ZSCAN32: variants seen among roughly 807,000 people sequenced by gnomAD.
ZSCAN32 encodes zinc finger and SCAN domain-containing protein 32.
In ZSCAN32, 52 loss-of-function variants were observed where a neutral mutation model predicts 47.4. The ratio of observed to expected loss-of-function variants is 1.10; its 90% CI spans 0.88 to 1.38. The LOEUF (loss-of-function observed/expected upper bound fraction) is 1.38. ZSCAN32 is among the 40% of genes most tolerant of loss of function. ZSCAN32 has a pLI of 0.00. For synonymous variants in ZSCAN32, 346 were observed against 305.7 expected, an observed-to-expected ratio of 1.13 and a Z score of -1.38; for missense variants, 959 against 846.0, an observed-to-expected ratio of 1.13 and a Z score of -1.66.
chr16:3,388,952 T>C (rs2032333749), intron 5 of ZSCAN32, among the ~76,000 whole-genome samples: 2 of 152,202 alleles, frequency 1.3e-5, no homozygotes, highest in Admixed American at 1.3e-4. Context: ...CTGAAAGTGC[T>C]AGAGGCCAAA....
rs1007282090 is a variant in ZSCAN32 at position 3,386,242 on chromosome 16, T to G, written c.752-1301A>C. Among the ~76,000 whole-genome samples the G allele has an allele frequency of 1.1e-3, 174 of 152,298 alleles. 1 individual carries two copies. The highest frequency in any genetic ancestry group is 2.1e-3 in the Non-Finnish European group (145 of 68,040). On this transcript the variant is annotated intron_variant, in intron 5 of 6. Transcript: ENST00000396852. ...AATGCAAATCAAAACTACAATGAGA[T>G]ACCATCTCACACCAGTTAGAATGGC...
chr16:3,384,967 A>C, intron 5 of ZSCAN32, 26 bp from the exon 6 acceptor site: 5 of 1,595,972 alleles, frequency 3.1e-6, no homozygotes, highest in Non-Finnish European at 4.3e-6. Context: ...TAGGTCAATT[A>C]GATCTGTCAG....
chr16:3,382,761 CAA>C lies in ZSCAN32; in HGVS notation c.*89_*90del. On this transcript the variant is annotated 3_prime_UTR_variant, in exon 7 of 7. Transcript: ENST00000396852. Reference sequence around the variant, plus strand: ...GATCCAGTAGTCAGTAGGTCTGTTGCAAAGTCAGGGACTGGCTAGATCTCTCC... The same window carrying C: ...GATCCAGTAGTCAGTAGGTCTGTTGCAGTCAGGGACTGGCTAGATCTCTCC... The C allele has an allele frequency of 6.7e-7, 1 of 1,497,378 alleles. No homozygotes were observed. The highest frequency in any genetic ancestry group is 2.3e-5 in the East Asian group (1 of 43,598). 92.8% of individuals were successfully genotyped at this position (1,497,378 alleles called of 1,614,324 possible). A position where few individuals can be genotyped will look rare whatever the true frequency, so the allele number is the denominator to read the frequency against.
chr16:3,383,596 C>T lies in ZSCAN32; in HGVS notation c.1350G>A (p.Glu450=). The T allele has an allele frequency of 6.2e-7, 1 of 1,613,904 alleles. No individual in the cohort carries two copies. The change falls in exon 7 of 7, where the codon GAG becomes GAA. Residue 450 remains glutamate, a synonymous_variant. Coordinates refer to ENST00000396852, the MANE Select transcript of ZSCAN32 (RefSeq NM_001284527.2). ...RKSRGVYWHS[E]LQKGLESEPT... ...GCTCACTCTCCAAGCCTTTTTGTAG[C>T]TCAGAGTGCCAATAAACTCCTCTGG...
chr16:3,390,562 C>T (rs1305098176), intron 3 of ZSCAN32, 45 bp from the exon 4 acceptor site: 1 of 1,460,824 alleles, frequency 6.8e-7, no homozygotes, highest in South Asian at 1.2e-5. Flanking sequence ...TTCCACACAA[C>T]AGCACAGAGC....
intron 6 of ZSCAN32, 65 bp from the exon 7 acceptor site, chr16:3,383,776 G>A: frequency 2.0e-6 from 3 of 1,476,524 alleles, no homozygotes; most frequent in Non-Finnish European, 2.7e-6. Context: ...GGAATGCAAA[G>A]TTATAACTAT....
At chr16:3,393,958 A>AT in intron 2 of ZSCAN32, 144 bp from the exon 3 acceptor site, 1 of 650,976 alleles carries the variant, frequency 1.5e-6, no homozygotes, top group Non-Finnish European at 2.4e-6. Flanking sequence ...CTGTAATAAA[A>AT]TAAAAATTAA....
At chr16:3,393,079 A>G (rs1208058134) in intron 3 of ZSCAN32, among the ~76,000 whole-genome samples, 1 of 140,662 alleles carries the variant, frequency 7.1e-6, no homozygotes. Flanking sequence ...GCTAACACAT[A>G]AAGAATCTCT....
At position 3,383,666 on chromosome 16, in the gene ZSCAN32, T is replaced by C; in HGVS notation, c.1280A>G (p.Asp427Gly). The C allele has an allele frequency of 6.2e-7, 1 of 1,601,490 alleles. No homozygotes were observed. The highest frequency in any genetic ancestry group is 8.5e-7 in the Non-Finnish European group (1 of 1,177,320). ...GTTTATTTCTACTTCCTCTGAATCA[T>C]CCCATTTTAGATTTTCTTTTTTAAT... The part of the protein sequence containing the change: ...NEIKKENLKW[D>G]DSEEVEINKA... The change falls in exon 7 of 7, where the codon GAT (aspartate) becomes GGT (glycine). Residue 427 changes from aspartate to glycine, a missense_variant. Transcript: ENST00000396852.
intron 1 of ZSCAN32, among the ~76,000 whole-genome samples, chr16:3,398,933 T>G (rs1253140252): frequency 6.6e-6 from 1 of 152,070 alleles, no homozygotes; most frequent in Admixed American, 6.6e-5. Flanking sequence ...TGTGAAAAAG[T>G]CCCCCTCGAC....
chr16:3,397,164 C>T lies in ZSCAN32; in HGVS notation c.366+28G>A, dbSNP rs986662531. 37 of 1,481,552 alleles carry T rather than the reference C, an allele frequency of 2.5e-5. No homozygotes were observed. In the African/African-American group the frequency reaches 4.5e-4, roughly 18 times the overall value. The allele number at this position is 1,481,552 out of a possible 1,614,324, so 91.8% of individuals were successfully genotyped here. ...TTCCCCGACAACTTCATAACCAAAACCACAAAGTTCCGACTTCCTTTTCTC... is the reference window on the plus strand; with the variant it reads ...TTCCCCGACAACTTCATAACCAAAATCACAAAGTTCCGACTTCCTTTTCTC... On this transcript the variant is annotated intron_variant, in intron 2 of 6. Transcript: ENST00000396852.
intron 5 of ZSCAN32, among the ~76,000 whole-genome samples, chr16:3,386,540 C>G (rs2032014390): frequency 1.3e-5 from 2 of 152,126 alleles, no homozygotes; most frequent in Admixed American, 6.5e-5. Context: ...TGGAACCAAG[C>G]CAAATGTCCA....
At chr16:3,397,833 T>A in intron 1 of ZSCAN32, 89 bp from the exon 2 acceptor site, 2 of 258,622 alleles carry the variant, frequency 7.7e-6, no homozygotes, top group Non-Finnish European at 1.5e-5. Context: ...TTTCCTTTAC[T>A]CCCTCCACAA....
chr16:3,400,608 CTATT>C (rs1385212448), intron 1 of ZSCAN32, among the ~76,000 whole-genome samples: 1 of 152,228 alleles, frequency 6.6e-6, no homozygotes, highest in African/African-American at 2.4e-5. Context: ...ACTTAGTTAA[CTATT>C]TATTGAGTAC....
At chr16:3,392,196 G>A (rs2032787050) in intron 3 of ZSCAN32, among the ~76,000 whole-genome samples, 2 of 152,158 alleles carry the variant, frequency 1.3e-5, no homozygotes, top group African/African-American at 4.8e-5. Context: ...TAAATCCATG[G>A]AAACAGAATG....
Position 3,390,022 on chromosome 16 carries a change from G to C in ZSCAN32, c.739C>G (p.His247Asp), listed in dbSNP as rs1248677492. The stretch of plus-strand genomic sequence containing the variant: ...GATGGATCCTTACCCAGCGAGACGT[G>C]ACTGTCCTTCCTCTGGGTGGCACCC... Reference protein sequence around the residue: ...YRGATQRKDSHVSLATGVPWG... With the variant: ...YRGATQRKDSDVSLATGVPWG... Residue 247 changes from histidine (H) to aspartate (D), a missense_variant, in exon 5 of 7, where the codon CAC (histidine) becomes GAC (aspartate). Physicochemically the swap from His to Asp is moderately conservative, Grantham distance 81 (BLOSUM62 -1). Coordinates refer to ENST00000396852, the MANE Select transcript of ZSCAN32 (RefSeq NM_001284527.2). 3 of 1,612,838 alleles carry C rather than the reference G, an allele frequency of 1.9e-6. No individual in the cohort carries two copies. The highest frequency in any genetic ancestry group is 1.7e-4 in the Middle Eastern group (1 of 6,056).
rs150304666 is a variant in ZSCAN32, at chr16:3,382,901, A to G, written c.2045T>C (p.Val682Ala). ...KNSALTRHQT[V>A]HMKAVLSSQE... ...TGATGAGAGTACTGCTTTCATGTGT[A>G]CTGTCTGATGACGGGTGAGGGCAGA... The change falls in exon 7 of 7, where the codon GTA (valine) becomes GCA (alanine). Residue 682 changes from valine to alanine, a missense_variant. Physicochemically the swap from Val to Ala is moderately conservative, Grantham distance 64. Transcript: ENST00000396852. 6 of 1,604,290 alleles carry G rather than the reference A, an allele frequency of 3.7e-6. No individual in the cohort carries two copies. Among genetic ancestry groups the G allele is most frequent in the African/African-American group, 1.3e-5 (1 of 74,500 alleles).
chr16:3,384,030 T>C (rs1357159163), intron 6 of ZSCAN32: 1 of 426,392 alleles, frequency 2.3e-6, no homozygotes, highest in Non-Finnish European at 4.1e-6. Context: ...AATTCTTGAA[T>C]GTTCTAACTT....
Position 3,393,252 on chromosome 16 carries a change from TATA to T in ZSCAN32, c.532+394_532+396del, listed in dbSNP as rs1350043221. Among the ~76,000 whole-genome samples the T allele has an allele frequency of 2.0e-3, 39 of 19,286 alleles. 3 individuals carry two copies. The highest frequency in any genetic ancestry group is 5.4e-3 in the African/African-American group (20 of 3,680). The allele number at this position is 19,286 out of a possible 152,430, so 12.7% of individuals were successfully genotyped here. A position where few individuals can be genotyped will look rare whatever the true frequency, so the allele number is the denominator to read the frequency against. On this transcript the variant is annotated intron_variant, in intron 3 of 6. Coordinates refer to ENST00000396852, the MANE Select transcript of ZSCAN32 (RefSeq NM_001284527.2). The stretch of plus-strand genomic sequence containing the variant: ...TAAATTTATATATTTTATATATATA[TATA>T]TTTTTTGTTTTCTTTGAGACAGCCC...
Sources: allele counts gnomAD v4.1 joint callset (sites outside exome capture counted in the v4.1 genomes callset), GRCh38; gene constraint gnomAD v4.1.1; transcripts MANE v1.5; gene names NCBI Gene and HGNC (gene_info 2026-07-23, HGNC 2026-07-21).